ITPRID1: variants seen among roughly 807,000 people sequenced by gnomAD.
ITPRID1 encodes the protein protein ITPRID1.
ITPRID1 carries 96 observed loss-of-function variants against 95.4 expected under a neutral mutation model. That is an observed-to-expected ratio of 1.01 (90% confidence interval 0.85 to 1.19). ITPRID1 has a LOEUF of 1.19. ITPRID1 is among the 50% of genes most tolerant of loss of function. The pLI, the probability that ITPRID1 is intolerant of heterozygous loss-of-function variation, is 0.00. For synonymous variants in ITPRID1, 510 were observed against 453.6 expected (o/e 1.12, Z -1.58); for missense variants, 1,339 against 1,252.9 (o/e 1.07, Z -1.04).
chr7:31,521,785 G>C (rs1239383702), intron 1 of ITPRID1, among the ~76,000 whole-genome samples: 1 of 145,036 alleles, frequency 6.9e-6, no homozygotes, highest in Non-Finnish European at 1.5e-5. Context: ...CAGTGGCGGT[G>C]ATCACAGCTC....
At chr7:31,528,061 T>G (rs1314327939) in intron 1 of ITPRID1, among the ~76,000 whole-genome samples, 1 of 152,216 alleles carries the variant, frequency 6.6e-6, no homozygotes, top group Non-Finnish European at 1.5e-5. Context: ...ATCATTATTC[T>G]GAATTAACTA....
At chr7:31,645,190 C>T (rs1001592905) in intron 12 of ITPRID1, among the ~76,000 whole-genome samples, 4 of 151,962 alleles carry the variant, frequency 2.6e-5, no homozygotes, top group Admixed American at 6.6e-5. Flanking sequence ...AAGAAGTGTC[C>T]GACTTTAAAA....
chr7:31,656,978 C>T (rs992293880), downstream of ITPRID1, among the ~76,000 whole-genome samples: 15 of 149,404 alleles, frequency 1.0e-4, no homozygotes, highest in Non-Finnish European at 1.8e-4. Context: ...ATTCTCAGGC[C>T]TTTAGGCTCA....
chr7:31,542,258 C>T (rs1035781704), intron 1 of ITPRID1, among the ~76,000 whole-genome samples: 6 of 152,188 alleles, frequency 3.9e-5, no homozygotes, highest in African/African-American at 1.4e-4. Flanking sequence ...TCTAGCATTT[C>T]ATTCCATGTG....
chr7:31,514,430 T>C (rs913356150), intron 1 of ITPRID1, among the ~76,000 whole-genome samples: 2 of 152,108 alleles, frequency 1.3e-5, no homozygotes, highest in East Asian at 3.9e-4. Flanking sequence ...GGAGTTGAAA[T>C]GTAAGAAGGA....
chr7:31,574,817 G>A (rs1394182803), intron 8 of ITPRID1, 75 bp downstream of exon 8: 4 of 1,320,720 alleles, frequency 3.0e-6, no homozygotes, highest in East Asian at 2.4e-5. Flanking sequence ...TGTAGGCGAG[G>A]AGATTGTGTG....
At chr7:31,564,209 C>T (rs1038664998) in intron 5 of ITPRID1, among the ~76,000 whole-genome samples, 23 of 152,068 alleles carry the variant, frequency 1.5e-4, no homozygotes, top group African/African-American at 4.6e-4. Flanking sequence ...GGGTTAAGTG[C>T]GGTGTCTGCT....
chr7:31,552,874 A>G (rs966349807), intron 2 of ITPRID1, 128 bp from the exon 3 acceptor site: 1 of 983,150 alleles, frequency 1.0e-6, no homozygotes, highest in Non-Finnish European at 1.5e-6. Flanking sequence ...AGCCAGGTTC[A>G]TGTATGACTG....
At chr7:31,583,238 T>G in intron 10 of ITPRID1, 47 bp downstream of exon 10, 1 of 1,260,622 alleles carries the variant, frequency 7.9e-7, no homozygotes, top group Non-Finnish European at 1.1e-6. Flanking sequence ...TCTTTCAGAA[T>G]GTAAATAACT....
intron 12 of ITPRID1, among the ~76,000 whole-genome samples, chr7:31,645,359 T>A (rs1446983189): frequency 6.6e-6 from 1 of 152,208 alleles, no homozygotes; most frequent in Non-Finnish European, 1.5e-5. Flanking sequence ...ATCAGATCAT[T>A]TTTTAATTGC....
intron 10 of ITPRID1, among the ~76,000 whole-genome samples, chr7:31,592,039 G>C (rs746851705): frequency 6.6e-6 from 1 of 152,176 alleles, no homozygotes; most frequent in Non-Finnish European, 1.5e-5. Context: ...TAAAATGGCA[G>C]ATGGGAATAA....
chr7:31,536,390 T>G (rs538285978), intron 1 of ITPRID1, among the ~76,000 whole-genome samples: 1 of 152,292 alleles, frequency 6.6e-6, no homozygotes, highest in South Asian at 2.1e-4. Flanking sequence ...TGTTTTCAGC[T>G]AGATTCATTA....
chr7:31,629,698 T>C (rs993024055), intron 10 of ITPRID1, among the ~76,000 whole-genome samples: 3 of 152,322 alleles, frequency 2.0e-5, no homozygotes, highest in Non-Finnish European at 4.4e-5. Flanking sequence ...TCATATTAGA[T>C]GCCAGAAGAT....
chr7:31,596,668 C>T (rs1006470640), intron 10 of ITPRID1, among the ~76,000 whole-genome samples: 4 of 151,170 alleles, frequency 2.6e-5, no homozygotes, highest in Non-Finnish European at 5.9e-5. Context: ...CATCCTTTAC[C>T]AACAGAAATT....
At chr7:31,574,972 C>T (rs954498957) in intron 8 of ITPRID1, among the ~76,000 whole-genome samples, 17 of 152,118 alleles carry the variant, frequency 1.1e-4, no homozygotes, top group African/African-American at 3.6e-4. Context: ...CTCAGGAACA[C>T]GGCCTCTAAT....
chr7:31,530,309 T>A (rs1292746166), intron 1 of ITPRID1, among the ~76,000 whole-genome samples: 1 of 152,194 alleles, frequency 6.6e-6, no homozygotes. Context: ...GCTAAAGAAA[T>A]GAACTTTCTC....
At position 31,551,699 on chromosome 7, in the gene ITPRID1, C is replaced by T. The variant is rs144178094; in HGVS notation, c.-23-1303C>T. The stretch of plus-strand genomic sequence containing the variant: ...ATTGTGCTGCCAGTTGCATCTAGAA[C>T]GCTCACCTATTCTTGAAAGAAAATA... On this transcript the variant is annotated intron_variant, in intron 2 of 14. Transcript: ENST00000615280. 2.6e-3 allele frequency among the ~76,000 whole-genome samples: 371 copies of T among 143,486 alleles called. 71 individuals are homozygous for T. Among genetic ancestry groups the T allele is most frequent in the East Asian group, 0.025 (115 of 4,516 alleles). The allele number at this position is 143,486 out of a possible 152,430, so 94.1% of individuals were successfully genotyped here. A position where few individuals can be genotyped will look rare whatever the true frequency, so the allele number is the denominator to read the frequency against.
At chr7:31,591,134 G>A (rs1178556247) in intron 10 of ITPRID1, among the ~76,000 whole-genome samples, 2 of 152,190 alleles carry the variant, frequency 1.3e-5, no homozygotes, top group Non-Finnish European at 2.9e-5. Context: ...GAGCAAGACA[G>A]GAGTTGACCC....
At chr7:31,599,090 T>G (rs1208750158) in intron 10 of ITPRID1, among the ~76,000 whole-genome samples, 1 of 152,170 alleles carries the variant, frequency 6.6e-6, no homozygotes, top group Non-Finnish European at 1.5e-5. Context: ...TTCACATATA[T>G]GCAGAAGAAT....
Sources: gnomAD v4.1 joint callset for allele counts (sites outside exome capture counted in the v4.1 genomes callset) on GRCh38, gnomAD v4.1.1 for gene constraint, MANE v1.5 for transcripts, NCBI Gene and HGNC (gene_info 2026-07-23, HGNC 2026-07-21) for gene names.